The following MOGAT2 variants were observed in gnomAD, a reference collection of about 807,000 sequenced individuals.
MOGAT2 encodes 2-acylglycerol O-acyltransferase 2.
MOGAT2 carries 27 observed loss-of-function variants against 31.5 expected under a neutral mutation model. The ratio of observed to expected loss-of-function variants is 0.86; its 90% confidence interval spans 0.63 to 1.18. The LOEUF (loss-of-function observed/expected upper bound fraction) is 1.18. MOGAT2 is among the 50% of genes most tolerant of loss of function. MOGAT2 has a pLI of 0.00. For missense variants in MOGAT2, 436 were observed against 433.2 expected (o/e 1.01, Z -0.06); for synonymous variants, 163 against 170.0 (o/e 0.96, Z 0.32).
At chr11:75,721,693 C>G (rs1944378033) in intron 2 of MOGAT2, among the ~76,000 whole-genome samples, 1 of 152,128 alleles carries the variant, frequency 6.6e-6, no homozygotes, top group Non-Finnish European at 1.5e-5. Flanking sequence ...TCTGAGAGCC[C>G]AAGCCCTGCT....
At chr11:75,729,055 G>T in intron 5 of MOGAT2, 66 bp downstream of exon 5, 1 of 1,513,626 alleles carries the variant, frequency 6.6e-7, no homozygotes, top group South Asian at 1.1e-5. Flanking sequence ...TGCTGCAAGG[G>T]GACATGGAGA....
rs550221599 is a variant in MOGAT2, at chr11:75,729,043, T to C, written c.850+54T>C. On this transcript the variant is annotated intron_variant, in intron 5 of 5. Coordinates refer to ENST00000198801, the MANE Select transcript of MOGAT2 (RefSeq NM_025098.4). ...GAGGCCAAAGGGACAGGGCAGGTTG[T>C]GTGCTGCAAGGGGACATGGAGATGA... The C allele has an allele frequency of 5.4e-5, 84 of 1,570,020 alleles. No homozygotes were observed. In the African/African-American group the frequency reaches 1.1e-3, roughly 21 times the overall value.
At chr11:75,720,236 C>G in intron 2 of MOGAT2, 66 bp downstream of exon 2, 2 of 1,536,442 alleles carry the variant, frequency 1.3e-6, no homozygotes, top group South Asian at 1.2e-5. Flanking sequence ...GCCAGAGTGC[C>G]GACGTCTCCA....
intron 1 of MOGAT2, among the ~76,000 whole-genome samples, chr11:75,718,785 C>A (rs1944351785): frequency 6.6e-6 from 1 of 152,134 alleles, no homozygotes; most frequent in Non-Finnish European, 1.5e-5. Flanking sequence ...GGGTCTGGAT[C>A]TGTGGCTTGG....
chr11:75,730,682 G>T (rs777913590), intron 5 of MOGAT2, among the ~76,000 whole-genome samples: 1 of 152,038 alleles, frequency 6.6e-6, no homozygotes. Flanking sequence ...AGGTCGAGAC[G>T]GGCAGATCAC....
At chr11:75,723,889 A>G (rs1024052661) in intron 2 of MOGAT2, among the ~76,000 whole-genome samples, 4 of 152,208 alleles carry the variant, frequency 2.6e-5, no homozygotes, top group Admixed American at 2.6e-4. Context: ...CCAGACAGCC[A>G]TCTATCTTCG....
Position 75,731,436 on chromosome 11 carries a change from G to A in MOGAT2, c.*150G>A. The stretch of plus-strand genomic sequence containing the variant: ...CAGGCTGTAAGTCAGAGCAGGCAAT[G>A]CAGAAGAGGAGACCAGACCAAGGGG... On this transcript the variant is annotated 3_prime_UTR_variant, in exon 6 of 6. Coordinates refer to ENST00000198801, the MANE Select transcript of MOGAT2 (RefSeq NM_025098.4). The A allele has an allele frequency of 2.3e-6, 2 of 884,642 alleles. No homozygotes were observed. The highest frequency in any genetic ancestry group is 1.6e-6 in the Non-Finnish European group (1 of 622,218). 54.8% of individuals were successfully genotyped at this position (884,642 alleles called of 1,614,324 possible).
At position 75,727,605 on chromosome 11, in the gene MOGAT2, G is replaced by A; in HGVS notation, c.441G>A (p.Arg147=). The change falls in exon 3 of 6, where the codon CGG becomes CGA. Residue 147 remains arginine (R), a synonymous_variant. Transcript: ENST00000198801. ...TGATGATGCTGACCTTGTGGTTCCG[G>A]GCCCCCTTCTTCAGAGATTACATCA... is the stretch of plus-strand genomic sequence containing the variant. ...PHLMMLTLWF[R]APFFRDYIMS... 7 of 1,614,086 alleles carry A rather than the reference G, an allele frequency of 4.3e-6. No individual in the cohort carries two copies. The highest frequency in any genetic ancestry group is 5.9e-6 in the Non-Finnish European group (7 of 1,180,006).
At position 75,731,269 on chromosome 11, in the gene MOGAT2, C is replaced by G; in HGVS notation, c.988C>G (p.His330Asp). 6.2e-7 allele frequency: 1 copy of G among 1,614,048 alleles called. No individual in the cohort carries two copies. Residue 330 changes from histidine to aspartate, a missense_variant, in exon 6 of 6, where the codon CAC (histidine) becomes GAC (aspartate). His to Asp is a moderately conservative substitution (Grantham distance 81). Transcript: ENST00000198801. ...KLKFNIPADQ[H>D]LEFC ...TAAGTTCAACATCCCTGCTGACCAG[C>G]ACTTGGAGTTCTGCTGAGCCCAAAG...
chr11:75,728,396 G>C, intron 4 of MOGAT2: 2 of 639,444 alleles, frequency 3.1e-6, no homozygotes. Context: ...TCTGAGATCT[G>C]TGGTATCTAG....
intron 1 of MOGAT2, chr11:75,719,651 T>C (rs1163734498): frequency 4.0e-6 from 1 of 250,764 alleles, no homozygotes; most frequent in East Asian, 7.8e-5. Flanking sequence ...TCCCCATTGA[T>C]TGAGCACTTA....
chr11:75,728,306 T>C (rs1005579019), intron 4 of MOGAT2, 162 bp downstream of exon 4: 3 of 846,858 alleles, frequency 3.5e-6, no homozygotes, highest in Non-Finnish European at 5.8e-6. Context: ...CCCAAATACC[T>C]AGAAAAGTTT....
chr11:75,728,231 C>A (rs753024575), intron 4 of MOGAT2, 87 bp downstream of exon 4: 4 of 1,379,884 alleles, frequency 2.9e-6, no homozygotes, highest in South Asian at 1.2e-5. Context: ...GAGACGAATG[C>A]AGATTCTATT....
intron 2 of MOGAT2, among the ~76,000 whole-genome samples, chr11:75,726,695 G>GTT (rs1373093512): frequency 7.5e-6 from 1 of 133,488 alleles, no homozygotes; most frequent in African/African-American, 3.1e-5. Flanking sequence ...GAGGAACATT[G>GTT]ATTTTTTTTT....
intron 2 of MOGAT2, among the ~76,000 whole-genome samples, chr11:75,720,642 T>A (rs1445565808): frequency 2.0e-5 from 3 of 152,180 alleles, no homozygotes; most frequent in Non-Finnish European, 2.9e-5. Flanking sequence ...GTGTGTACAC[T>A]GACTGTGGGC....
Position 75,731,260 on chromosome 11 carries a change from G to C in MOGAT2, c.979G>C (p.Ala327Pro), listed in dbSNP as rs1944477485. 4.3e-6 allele frequency: 7 copies of C among 1,614,138 alleles called. No homozygotes were observed. Among genetic ancestry groups the C allele is most frequent in the Non-Finnish European group, 5.9e-6 (7 of 1,180,018 alleles). ...EAHKLKFNIPADQHLEFC is the reference protein window; with the variant it reads ...EAHKLKFNIPPDQHLEFC ...CCACAAACTTAAGTTCAACATCCCT[G>C]CTGACCAGCACTTGGAGTTCTGCTG... is the stretch of plus-strand genomic sequence containing the variant. The change falls in exon 6 of 6, where the codon GCT (alanine) becomes CCT (proline). Residue 327 changes from alanine to proline, a missense_variant. Physicochemically the swap from Ala to Pro is conservative, Grantham distance 27. Coordinates refer to ENST00000198801, the MANE Select transcript of MOGAT2 (RefSeq NM_025098.4).
chr11:75,727,941 A>G (rs778119759), intron 3 of MOGAT2, 29 bp from the exon 4 acceptor site: 20 of 1,578,432 alleles, frequency 1.3e-5, no homozygotes, highest in East Asian at 4.5e-5. Flanking sequence ...CCCTCACCCC[A>G]TACCTGACCC....
chr11:75,729,477 G>A (rs962577902), intron 5 of MOGAT2, among the ~76,000 whole-genome samples: 1 of 152,110 alleles, frequency 6.6e-6, no homozygotes, highest in African/African-American at 2.4e-5. Flanking sequence ...GTTTCACCAT[G>A]TTGGCCAGGC....
chr11:75,727,224 G>C (rs2135735644), intron 2 of MOGAT2, among the ~76,000 whole-genome samples: 1 of 152,280 alleles, frequency 6.6e-6, no homozygotes, highest in South Asian at 2.1e-4. Flanking sequence ...TCCCAAGCCA[G>C]CATCAAGTCT....
Sources: gnomAD v4.1 joint callset for allele counts (sites outside exome capture counted in the v4.1 genomes callset) on GRCh38, gnomAD v4.1.1 for gene constraint, MANE v1.5 for transcripts, NCBI Gene and HGNC (gene_info 2026-07-23, HGNC 2026-07-21) for gene names.